The following NXF1 variants were observed in gnomAD, a reference collection of about 807,000 sequenced individuals.
NXF1 encodes the protein nuclear RNA export factor 1.
A neutral mutation model predicts 92.4 loss-of-function variants in NXF1; 43 were observed. The observed-to-expected ratio is 0.47, with a 90% CI of 0.36 to 0.60. NXF1 has a LOEUF of 0.60. Among genes scored for constraint, NXF1 ranks in the 20% least tolerant of loss-of-function variants. The pLI is 0.00. For missense variants in NXF1, 576 were observed against 793.0 expected (o/e 0.73, Z 3.29); for synonymous variants, 288 against 292.2 (o/e 0.99, Z 0.15).
At chr11:62,792,757 A>C (rs1371702510) in intron 19 of NXF1, 56 bp from the exon 20 acceptor site, 7 of 1,577,412 alleles carry the variant, frequency 4.4e-6, no homozygotes, top group South Asian at 2.2e-5. Context: ...ATGCCAGCTG[A>C]AAGTCCACTC....
rs191516295 is a variant in NXF1, at chr11:62,801,631, G to C, written c.640C>G (p.Leu214Val). ...CCATCGTATCGTTTGCTCATGATCA[G>C]CTAGAGGAAAAAGAAGGGTTTAGTG... Reference protein sequence around the residue: ...LKPEQVEQLKLIMSKRYDGSQ... With the variant: ...LKPEQVEQLKVIMSKRYDGSQ... The change falls in exon 7 of 21, where the codon CTG becomes GTG. Residue 214 changes from leucine (L) to valine (V), a missense_variant and splice_region_variant. Leu to Val is a conservative substitution (Grantham distance 32). Transcript: ENST00000294172. The C allele has an allele frequency of 6.5e-3, 10,505 of 1,610,830 alleles. 47 individuals carry two copies. The highest frequency in any genetic ancestry group is 8.3e-3 in the Non-Finnish European group (9,742 of 1,179,040).
At chr11:62,804,812 G>C (rs1479459354) in intron 1 of NXF1, among the ~76,000 whole-genome samples, 1 of 152,124 alleles carries the variant, frequency 6.6e-6, no homozygotes, top group African/African-American at 2.4e-5. Flanking sequence ...GGTGGAAAAC[G>C]AGAGTTTTAA....
At position 62,802,204 on chromosome 11, in the gene NXF1, C is replaced by G; in HGVS notation, c.426G>C (p.Lys142Asn). ...KAWLLSMIQS[K>N]CSVPFTPIEF... Reference sequence around the variant, plus strand: ...CAATAGGGGTGAAGGGCACACTGCACTTGCTCTGAATCATGCTCAGGAGCC... The same window carrying G: ...CAATAGGGGTGAAGGGCACACTGCAGTTGCTCTGAATCATGCTCAGGAGCC... Residue 142 changes from lysine (K) to asparagine (N), a missense_variant, in exon 4 of 21, where the codon AAG becomes AAC. Transcript: ENST00000294172. 1 of 1,614,228 alleles carries G rather than the reference C, an allele frequency of 6.2e-7. No individual in the cohort carries two copies. The highest frequency in any genetic ancestry group is 1.1e-5 in the South Asian group (1 of 91,086).
At chr11:62,794,603 G>A (rs1395436350) in intron 18 of NXF1, 163 bp from the exon 19 acceptor site, 8 of 667,736 alleles carry the variant, frequency 1.2e-5, no homozygotes, top group African/African-American at 1.8e-5. Flanking sequence ...ATGTTTGGAA[G>A]GATTATCTAC....
At chr11:62,794,225 T>G (rs1342634990) in intron 19 of NXF1, 33 bp downstream of exon 19, 1 of 1,592,068 alleles carries the variant, frequency 6.3e-7, no homozygotes, top group Non-Finnish European at 8.6e-7. Context: ...CCTACTTCAG[T>G]GCATCCCCAT....
Position 62,792,364 on chromosome 11 carries a change from TCA to T in NXF1, c.*110_*111del, listed in dbSNP as rs2084373242. 1 of 1,332,118 alleles carries T rather than the reference TCA, an allele frequency of 7.5e-7. No homozygotes were observed. The highest frequency in any genetic ancestry group is 1.1e-6 in the Non-Finnish European group (1 of 926,888). The allele number at this position is 1,332,118 out of a possible 1,614,324, so 82.5% of individuals were successfully genotyped here. On this transcript the variant is annotated 3_prime_UTR_variant, in exon 21 of 21. Transcript: ENST00000294172. ...GATCAGGCAGCCCTCCCTCCCTCGG[TCA>T]CAGTCACGGGGCGGCCTCGGGCCAG...
At chr11:62,796,264 T>C (rs1372801441) in intron 15 of NXF1, 23 bp downstream of exon 15, 3 of 1,613,854 alleles carry the variant, frequency 1.9e-6, no homozygotes, top group Non-Finnish European at 2.5e-6. Flanking sequence ...TTTTCCCATA[T>C]TTTGTTCGTA....
At position 62,805,430 on chromosome 11, in the gene NXF1, A is replaced by G. The variant is rs992955716; in HGVS notation, c.-74T>C. 15 of 1,599,672 alleles carry G rather than the reference A, an allele frequency of 9.4e-6. No individual in the cohort carries two copies. Among genetic ancestry groups the G allele is most frequent in the African/African-American group, 4.1e-5 (3 of 74,032 alleles). The stretch of plus-strand genomic sequence containing the variant: ...CAAACAACCTAACTCCCAAGCGCTC[A>G]GGACCGAAGTGTCCCTACGCCGGGC... On this transcript the variant is annotated 5_prime_UTR_variant, in exon 1 of 21. Transcript: ENST00000294172.
chr11:62,792,293 T>C lies in NXF1; in HGVS notation c.*183A>G. The C allele has an allele frequency of 1.3e-6, 1 of 777,370 alleles. No individual in the cohort carries two copies. Among genetic ancestry groups the C allele is most frequent in the Admixed American group, 2.1e-5 (1 of 48,098 alleles). The allele number at this position is 777,370 out of a possible 1,614,324, so 48.2% of individuals were successfully genotyped here. A position where few individuals can be genotyped will look rare whatever the true frequency, so the allele number is the denominator to read the frequency against. ...GTAAGCTTTGGCTTCCTGGCACCAG[T>C]GAGGCTCAATCTTCTGAAGTCTTCC... On this transcript the variant is annotated 3_prime_UTR_variant, in exon 21 of 21. Coordinates refer to ENST00000294172, the MANE Select transcript of NXF1 (RefSeq NM_006362.5).
chr11:62,801,888 C>T (rs2084482846), intron 5 of NXF1, 54 bp downstream of exon 5: 2 of 1,604,216 alleles, frequency 1.2e-6, no homozygotes, highest in African/African-American at 1.3e-5. Context: ...AGACCCAGTC[C>T]CTGCTCTGAG....
intron 18 of NXF1, chr11:62,794,698 T>C (rs977736327): frequency 3.2e-5 from 19 of 588,078 alleles, no homozygotes; most frequent in Non-Finnish European, 5.4e-5. Context: ...AATATTGTTA[T>C]ATGAATTTTC....
chr11:62,801,130 T>G lies in NXF1; in HGVS notation c.870A>C (p.Ala290=). ...AAAGGTTTAGGATCTTCAGGTTGGG[T>G]GCCTTCTGAACAATGCTAGACATGT... is the stretch of plus-strand genomic sequence containing the variant. ...LDDMSSIVQK[A]PNLKILNLSG... is the part of the protein sequence containing the mutation. The change falls in exon 9 of 21, where the codon GCA becomes GCC. Residue 290 remains alanine, a synonymous_variant. Coordinates refer to ENST00000294172, the MANE Select transcript of NXF1 (RefSeq NM_006362.5). The G allele has an allele frequency of 1.2e-6, 2 of 1,614,194 alleles. No homozygotes were observed. Among genetic ancestry groups the G allele is most frequent in the East Asian group, 4.5e-5 (2 of 44,886 alleles).
chr11:62,794,175 A>C (rs765473082), intron 19 of NXF1, 83 bp downstream of exon 19: 21 of 1,386,022 alleles, frequency 1.5e-5, no homozygotes, highest in Admixed American at 6.7e-5. Context: ...CAAAAAAAAA[A>C]CAAAAAAACT....
At chr11:62,802,153 C>G (rs1390726946) in intron 4 of NXF1, 24 bp downstream of exon 4, 2 of 1,612,712 alleles carry the variant, frequency 1.2e-6, no homozygotes, top group Non-Finnish European at 1.7e-6. Flanking sequence ...GCCTGGCCAG[C>G]CAGCCACTCA....
chr11:62,803,460 T>G lies in NXF1; in HGVS notation c.328A>C (p.Thr110Pro), dbSNP rs2134781214. ...RAPPERGGAG[T>P]SQDGTSKNWF... ...TTCTTTGAGGTCCCATCCTGGCTGG[T>G]GCCAGCCCCTCCTCTCTCTGGAGGA... The change falls in exon 3 of 21, where the codon ACC becomes CCC. Residue 110 changes from threonine to proline, a missense_variant. Around this residue, in one of 2 missense-constraint regions of NXF1, gnomAD observed 151 missense variants for 157.8 expected, o/e 0.96. Transcript: ENST00000294172. 3 of 1,614,052 alleles carry G rather than the reference T, an allele frequency of 1.9e-6. No homozygotes were observed. The East Asian group carries it at 6.7e-5, about 36-fold the overall frequency.
chr11:62,796,797 G>A (rs369806410), intron 13 of NXF1: 7 of 557,656 alleles, frequency 1.3e-5, no homozygotes, highest in Admixed American at 6.2e-5. Flanking sequence ...GGCTAGGTGC[G>A]GTGGCTCACG....
intron 1 of NXF1, 29 bp from the exon 2 acceptor site, chr11:62,804,007 GAAGT>G (rs780120981): frequency 1.4e-5 from 22 of 1,607,848 alleles, no homozygotes; most frequent in East Asian, 2.2e-5. Flanking sequence ...ACACAAATTA[GAAGT>G]AAGTAACTGG....
chr11:62,803,289 C>T, intron 3 of NXF1, 130 bp downstream of exon 3: 1 of 737,348 alleles, frequency 1.4e-6, no homozygotes, highest in Non-Finnish European at 2.1e-6. Context: ...GTACTCCAGC[C>T]TGGGTGACAG....
chr11:62,799,752 C>T lies in NXF1; in HGVS notation c.1016+625G>A, dbSNP rs564394280. 149 of 986,036 alleles carry T rather than the reference C, an allele frequency of 1.5e-4. No individual in the cohort carries two copies. In the South Asian group the frequency reaches 4.6e-3, roughly 30 times the overall value. The allele number at this position is 986,036 out of a possible 1,614,324, so 61.1% of individuals were successfully genotyped here. ...GCTGGCGGGGCCCCAGCTCTGGTCACATCTTGGGGAACCCAGGTTTCTTCT... is the reference window on the plus strand; with the variant it reads ...GCTGGCGGGGCCCCAGCTCTGGTCATATCTTGGGGAACCCAGGTTTCTTCT... On this transcript the variant is annotated intron_variant, in intron 10 of 20. Transcript: ENST00000294172.
Sources: allele counts gnomAD v4.1 joint callset (sites outside exome capture counted in the v4.1 genomes callset), GRCh38; gene constraint gnomAD v4.1.1; regional missense constraint gnomAD v4.1.1; transcripts MANE v1.5; gene names NCBI Gene and HGNC (gene_info 2026-07-23, HGNC 2026-07-21).